Variants in ATM observed in about 807,000 individuals in gnomAD.
ATM encodes the protein serine-protein kinase ATM.
A neutral mutation model predicts 387.0 loss-of-function variants in ATM; 308 were observed. That is an observed-to-expected ratio of 0.80 (90% confidence interval 0.73 to 0.87). ATM has a LOEUF of 0.87. Among genes scored for constraint, ATM ranks in the 40% least tolerant of loss-of-function variants. The pLI, the probability that ATM is intolerant of heterozygous loss-of-function variation, is 0.00. For missense variants in ATM, 3,312 were observed against 3,560.9 expected (o/e 0.93, Z 1.78); for synonymous variants, 1,156 against 1,187.3 (o/e 0.97, Z 0.54).
chr11:108,272,808 C>A lies in ATM; in HGVS notation c.3240C>A (p.Asp1080Glu), dbSNP rs149911447. 9 of 1,614,068 alleles carry A rather than the reference C, an allele frequency of 5.6e-6. No individual in the cohort carries two copies. The African/African-American group carries it at 6.7e-5, about 12-fold the overall frequency. ...AAGTATTTACACAATTTCTTGCTGA[C>A]AATCATCACCAAGTTCGCATGTTGG... ...VNEVFTQFLA[D>E]NHHQVRMLAA... The change falls in exon 22 of 63, where the codon GAC (aspartate) becomes GAA (glutamate). Residue 1080 changes from aspartate (D) to glutamate (E), a missense_variant. By Grantham distance (45) the Asp-to-Glu change is conservative (BLOSUM62 2). Transcript: ENST00000675843.
chr11:108,285,321 C>CT lies in ATM; in HGVS notation c.3993+861dup, dbSNP rs11310321. 5.6e-4 allele frequency among the ~76,000 whole-genome samples: 81 copies of CT among 144,470 alleles called. 1 individual carries two copies. The highest frequency in any genetic ancestry group is 6.0e-4 in the East Asian group (3 of 4,966). 94.8% of individuals were successfully genotyped at this position (144,470 alleles called of 152,430 possible). On this transcript the variant is annotated intron_variant, in intron 26 of 62. Transcript: ENST00000675843. ...TCTTCTCCAGTATACATTTTTCTCT[C>CT]TTTTTTTTTTTTTGGCTGATGTATC...
chr11:108,223,222 T>C (rs1037167456), intron 1 of ATM, 36 bp downstream of exon 1: 6 of 162,636 alleles, frequency 3.7e-5, no homozygotes, highest in Non-Finnish European at 8.2e-5. Context: ...GCTTCTGCGC[T>C]GGGAAATTCA....
chr11:108,338,082 C>T (rs979994591), intron 56 of ATM, among the ~76,000 whole-genome samples: 3 of 152,262 alleles, frequency 2.0e-5, no homozygotes, highest in Non-Finnish European at 4.4e-5. Context: ...GGCATGGTGG[C>T]CCACGCCTGT....
chr11:108,359,021 A>C (rs1227065430), intron 61 of ATM, among the ~76,000 whole-genome samples: 3 of 150,894 alleles, frequency 2.0e-5, no homozygotes, highest in Non-Finnish European at 4.5e-5. Context: ...AAGAGTCAAG[A>C]CCCATCAGTG....
intron 58 of ATM, 49 bp downstream of exon 58, chr11:108,345,957 G>C (rs1209361757): frequency 6.2e-7 from 1 of 1,607,380 alleles, no homozygotes; most frequent in South Asian, 1.1e-5. Context: ...TGTTTGGCAG[G>C]TTTTATTTTT....
intron 15 of ATM, 114 bp from the exon 16 acceptor site, chr11:108,258,872 C>A: frequency 2.6e-6 from 2 of 775,852 alleles, no homozygotes; most frequent in Non-Finnish European, 4.4e-6. Flanking sequence ...TATATATTGG[C>A]CCTAATAGTA....
intron 36 of ATM, among the ~76,000 whole-genome samples, chr11:108,304,110 G>C (rs1353401218): frequency 1.3e-5 from 2 of 152,168 alleles, no homozygotes; most frequent in African/African-American, 4.8e-5. Flanking sequence ...TAATGTGCCA[G>C]ATGTATTGGA....
Position 108,297,351 on chromosome 11 carries a change from A to G in ATM, c.4974A>G (p.Ala1658=). The G allele has an allele frequency of 6.2e-7, 1 of 1,614,098 alleles. No individual in the cohort carries two copies. The highest frequency in any genetic ancestry group is 1.1e-5 in the South Asian group (1 of 91,086). ...VVNLLQLSKM[A]INHTGEKEVL... ...ATTTGTTGCAGTTATCCAAGATGGC[A>G]ATAAACCACACTGGTGAAAAAGAAG... Residue 1658 remains alanine, a synonymous_variant, in exon 33 of 63, where the codon GCA becomes GCG. Transcript: ENST00000675843.
At chr11:108,349,395 T>C (rs1565571698) in intron 59 of ATM, among the ~76,000 whole-genome samples, 2 of 152,146 alleles carry the variant, frequency 1.3e-5, no homozygotes. Flanking sequence ...CCAGGCGCGG[T>C]GGATCACACC....
At chr11:108,342,798 A>G (rs749870749) in intron 56 of ATM, among the ~76,000 whole-genome samples, 1 of 152,226 alleles carries the variant, frequency 6.6e-6, no homozygotes, top group Admixed American at 6.5e-5. Flanking sequence ...AATTTCAATA[A>G]TGAAGTTACA....
chr11:108,340,354 A>G (rs2087390758), intron 56 of ATM: 1 of 152,180 alleles, frequency 6.6e-6, no homozygotes, highest in Non-Finnish European at 1.5e-5. Flanking sequence ...TAAACATTTC[A>G]GTGTGTAGAT....
intron 32 of ATM, 100 bp from the exon 33 acceptor site, chr11:108,297,187 A>T: frequency 2.0e-6 from 2 of 1,018,854 alleles, no homozygotes; most frequent in African/African-American, 1.6e-5. Flanking sequence ...TTTAAACTTT[A>T]TAGAAGTTTT....
intron 16 of ATM, among the ~76,000 whole-genome samples, chr11:108,266,634 A>AT (rs1366219203): frequency 2.0e-5 from 3 of 152,080 alleles, no homozygotes; most frequent in Non-Finnish European, 1.5e-5. Flanking sequence ...TTAAAGTGTA[A>AT]TAAAAAAAAT....
At chr11:108,264,381 C>T (rs1216097362) in intron 16 of ATM, among the ~76,000 whole-genome samples, 5 of 152,122 alleles carry the variant, frequency 3.3e-5, no homozygotes, top group African/African-American at 1.2e-4. Flanking sequence ...AGACAAAAAA[C>T]ACATGATTAT....
intron 5 of ATM, among the ~76,000 whole-genome samples, chr11:108,241,185 A>G (rs2079536426): frequency 6.6e-6 from 1 of 152,210 alleles, no homozygotes; most frequent in African/African-American, 2.4e-5. Context: ...ATCTTCAGGG[A>G]CATGCACAGA....
chr11:108,294,097 A>AT (rs2082989704), intron 31 of ATM, among the ~76,000 whole-genome samples: 1 of 151,804 alleles, frequency 6.6e-6, no homozygotes, highest in African/African-American at 2.4e-5. Context: ...AATAGTTTTG[A>AT]TTTTAACACA....
intron 4 of ATM, among the ~76,000 whole-genome samples, chr11:108,233,113 T>A (rs1250177216): frequency 4.6e-4 from 70 of 152,174 alleles, no homozygotes; most frequent in Admixed American, 4.5e-3. Context: ...CCACCTGCCT[T>A]GTCATCCCAA....
intron 26 of ATM, among the ~76,000 whole-genome samples, chr11:108,284,923 A>G (rs772790385): frequency 1.3e-5 from 2 of 151,780 alleles, no homozygotes; most frequent in Admixed American, 6.6e-5. Context: ...GACACTTATT[A>G]CCTTCTAATG....
intron 3 of ATM, among the ~76,000 whole-genome samples, chr11:108,228,895 T>C (rs1305348513): frequency 6.6e-6 from 1 of 152,216 alleles, no homozygotes. Flanking sequence ...AGAGGGTCCT[T>C]ACTAGCATTG....
Sources: gnomAD v4.1 joint callset for allele counts (sites outside exome capture counted in the v4.1 genomes callset) on GRCh38, gnomAD v4.1.1 for gene constraint, MANE v1.5 for transcripts, NCBI Gene and HGNC (gene_info 2026-07-23, HGNC 2026-07-21) for gene names.